The following KDM5B variants were observed in gnomAD, a reference collection of about 807,000 sequenced individuals.
KDM5B encodes the protein lysine-specific demethylase 5B.
In KDM5B, 144 loss-of-function variants were observed where a neutral mutation model predicts 193.4. The ratio of observed to expected loss-of-function variants is 0.74; its 90% CI spans 0.65 to 0.86. KDM5B has a LOEUF of 0.86. KDM5B is among the 40% of genes least tolerant of loss of function. KDM5B has a pLI of 0.00. For synonymous variants in KDM5B, 668 were observed against 682.6 expected (o/e 0.98, Z 0.33); for missense variants, 1,833 against 1,886.9 (o/e 0.97, Z 0.53).
At position 202,773,263 on chromosome 1, in the gene KDM5B, G is replaced by T. The variant is rs962317782; in HGVS notation, c.431C>A (p.Ala144Glu). 1.9e-6 allele frequency: 3 copies of T among 1,613,870 alleles called. No homozygotes were observed. In the African/African-American group the frequency reaches 4.0e-5, roughly 22 times the overall value. ...CCATTTTCTATCCTTGCAAACAACT[G>T]CAAATCCACCTTCTTCTGCAACTAA... ...NKLVAEEGGF[A>E]VVCKDRKWTK... The change falls in exon 4 of 27, where the codon GCA becomes GAA. Residue 144 changes from alanine (A) to glutamate (E), a missense_variant. Around this residue, in one of 3 missense-constraint regions of KDM5B, gnomAD observed 355 missense variants for 374.9 expected, o/e 0.95. Transcript: ENST00000367265.
intron 10 of KDM5B, among the ~76,000 whole-genome samples, 154 bp downstream of exon 10, chr1:202,756,204 G>A (rs1027859566): frequency 6.6e-6 from 1 of 152,140 alleles, no homozygotes; most frequent in Non-Finnish European, 1.5e-5. Context: ...GACATAGTTA[G>A]GACTAGAATT....
intron 2 of KDM5B, 146 bp from the exon 3 acceptor site, chr1:202,774,881 T>C (rs957256452): frequency 1.8e-5 from 12 of 662,620 alleles, no homozygotes; most frequent in African/African-American, 1.7e-4. Flanking sequence ...AGCAAAATCA[T>C]ATAATACCAC....
chr1:202,743,511 G>C (rs952140641), intron 16 of KDM5B, among the ~76,000 whole-genome samples: 2 of 152,154 alleles, frequency 1.3e-5, no homozygotes, highest in Non-Finnish European at 2.9e-5. Context: ...TCAGTTACTA[G>C]AGCACAGGAG....
rs994814639 is a variant in KDM5B at position 202,808,090 on chromosome 1, G to A, written c.204+12C>T. ...AGCCACGAGCTGGATCCGGGGTGCTGGCGTGACTCACCGGCGGCGGCCGCA... is the reference window on the plus strand; with the variant it reads ...AGCCACGAGCTGGATCCGGGGTGCTAGCGTGACTCACCGGCGGCGGCCGCA... On this transcript the variant is annotated intron_variant, in intron 1 of 26. Coordinates refer to ENST00000367265, the MANE Select transcript of KDM5B (RefSeq NM_006618.5). The A allele has an allele frequency of 6.2e-7, 1 of 1,609,682 alleles. No homozygotes were observed. The highest frequency in any genetic ancestry group is 1.1e-5 in the South Asian group (1 of 90,424).
At chr1:202,776,607 T>C (rs542265252) in intron 2 of KDM5B, among the ~76,000 whole-genome samples, 1 of 151,972 alleles carries the variant, frequency 6.6e-6, no homozygotes, top group African/African-American at 2.4e-5. Flanking sequence ...CAGGCTGGAG[T>C]GCAGAGTGCA....
At chr1:202,755,208 G>T in intron 11 of KDM5B, 63 bp downstream of exon 11, 1 of 1,340,928 alleles carries the variant, frequency 7.5e-7, no homozygotes, top group Non-Finnish European at 1.1e-6. Flanking sequence ...CATCTGCACT[G>T]AAAAGGAAAG....
intron 1 of KDM5B, among the ~76,000 whole-genome samples, chr1:202,787,688 T>A (rs1302695183): frequency 6.6e-6 from 1 of 151,542 alleles, no homozygotes; most frequent in Non-Finnish European, 1.5e-5. Context: ...TTCGAGACCA[T>A]CCTGGCCAAC....
rs1474050269 is a variant in KDM5B, at chr1:202,741,035, CTG to C, written c.2946-225_2946-224del. ...TTAAGACTCCTTGGAACCGTATTAACTGTGAGTTTAAACAGCTTCACCTATTT... is the reference window on the plus strand; with the variant it reads ...TTAAGACTCCTTGGAACCGTATTAACTGAGTTTAAACAGCTTCACCTATTT... On this transcript the variant is annotated intron_variant, in intron 19 of 26. Transcript: ENST00000367265. 2.0e-5 allele frequency among the ~76,000 whole-genome samples: 3 copies of C among 152,160 alleles called. No individual in the cohort carries two copies. In the East Asian group the frequency reaches 5.8e-4, roughly 29 times the overall value.
chr1:202,768,337 G>T (rs1477483999), intron 4 of KDM5B, among the ~76,000 whole-genome samples: 2 of 152,118 alleles, frequency 1.3e-5, no homozygotes, highest in Non-Finnish European at 2.9e-5. Context: ...CTTTGTAAAA[G>T]TAAGTTCCAA....
In KDM5B at chr1:202,724,737, T is replaced by TAC. The variant is rs1654618306; in HGVS notation, c.*4298_*4299insGT. 1 of 79,898 alleles carries TAC rather than the reference T, an allele frequency of 1.3e-5. No individual in the cohort carries two copies. Among genetic ancestry groups the TAC allele is most frequent in the African/African-American group, 2.9e-5 (1 of 34,854 alleles). 4.9% of individuals were successfully genotyped at this position (79,898 alleles called of 1,614,324 possible). A position where few individuals can be genotyped will look rare whatever the true frequency, so the allele number is the denominator to read the frequency against. On this transcript the variant is annotated 3_prime_UTR_variant, in exon 27 of 27. Transcript: ENST00000367265. The stretch of plus-strand genomic sequence containing the variant: ...CCTGATCATACACAGAAGGGGCTTG[T>TAC]GTGTGTGTTTGTGTGTGTGTGTGTG...
intron 19 of KDM5B, 64 bp from the exon 20 acceptor site, chr1:202,740,876 C>CA (rs1358380296): frequency 2.0e-6 from 3 of 1,483,976 alleles, no homozygotes; most frequent in African/African-American, 2.8e-5. Flanking sequence ...TTATGGTTAC[C>CA]AAAAAAACTA....
intron 1 of KDM5B, among the ~76,000 whole-genome samples, chr1:202,805,084 T>C (rs762142897): frequency 8.5e-5 from 13 of 152,148 alleles, no homozygotes; most frequent in Non-Finnish European, 1.3e-4. Context: ...AAAAATATCA[T>C]TTGTCCTTAA....
rs1196217172 is a variant in KDM5B at position 202,730,777 on chromosome 1, A to C, written c.4176+132T>G. ...AGGAGTATCCTTCAACTAAGTCAGC[A>C]TTCAAAATGGGTCATCCTCAGTCTA... On this transcript the variant is annotated intron_variant, in intron 25 of 26. Coordinates refer to ENST00000367265, the MANE Select transcript of KDM5B (RefSeq NM_006618.5). 6.3e-6 allele frequency: 5 copies of C among 795,518 alleles called. No individual in the cohort carries two copies. The East Asian group carries it at 1.1e-4, about 17-fold the overall frequency. The allele number at this position is 795,518 out of a possible 1,614,324, so 49.3% of individuals were successfully genotyped here.
intron 12 of KDM5B, among the ~76,000 whole-genome samples, chr1:202,751,546 T>C (rs905879017): frequency 2.6e-5 from 4 of 152,126 alleles, no homozygotes; most frequent in African/African-American, 9.7e-5. Flanking sequence ...CTTGGAATAC[T>C]TCCTCCTTCC....
At chr1:202,769,628 C>T (rs1276937673) in intron 4 of KDM5B, among the ~76,000 whole-genome samples, 4 of 134,626 alleles carry the variant, frequency 3.0e-5, no homozygotes, top group Non-Finnish European at 6.1e-5. Flanking sequence ...GAGATCATGC[C>T]ACTGCACTCC....
intron 8 of KDM5B, among the ~76,000 whole-genome samples, chr1:202,760,126 C>T (rs1009885485): frequency 3.9e-5 from 6 of 151,980 alleles, no homozygotes; most frequent in African/African-American, 1.5e-4. Flanking sequence ...CAGCCCTGGG[C>T]AACATGGTGA....
intron 11 of KDM5B, among the ~76,000 whole-genome samples, chr1:202,754,179 TA>T (rs1303163910): frequency 6.6e-6 from 1 of 152,232 alleles, no homozygotes; most frequent in African/African-American, 2.4e-5. Flanking sequence ...TCAAACAATT[TA>T]TCTGTATCAT....
intron 1 of KDM5B, among the ~76,000 whole-genome samples, chr1:202,778,526 A>C (rs1029267094): frequency 3.9e-5 from 6 of 152,190 alleles, no homozygotes; most frequent in Non-Finnish European, 8.8e-5. Flanking sequence ...AAAGGCAAAA[A>C]TTTAATGTTA....
intron 1 of KDM5B, among the ~76,000 whole-genome samples, chr1:202,779,249 G>A (rs977341824): frequency 6.6e-5 from 10 of 151,566 alleles, no homozygotes; most frequent in African/African-American, 1.9e-4. Context: ...GGCCAGGCGC[G>A]GTGACTCACG....
Sources: allele counts gnomAD v4.1 joint callset (sites outside exome capture counted in the v4.1 genomes callset), GRCh38; gene constraint gnomAD v4.1.1; regional missense constraint gnomAD v4.1.1; transcripts MANE v1.5; gene names NCBI Gene and HGNC (gene_info 2026-07-23, HGNC 2026-07-21).